Variants in ZBTB38 observed in about 807,000 individuals in gnomAD.
ZBTB38 encodes the protein zinc finger and BTB domain containing 38, also known as zinc finger and BTB domain-containing protein 38.
Under a neutral mutation model 76.8 loss-of-function variants are expected in ZBTB38, and 20 were observed. The observed-to-expected ratio is 0.26, with a 90% CI of 0.18 to 0.38. The LOEUF (loss-of-function observed/expected upper bound fraction) is 0.38. Ranked by LOEUF, ZBTB38 falls within the 10% of genes least tolerant of loss-of-function variation. The pLI is 1.00. For synonymous variants in ZBTB38, 504 were observed against 544.2 expected, an observed-to-expected ratio of 0.93 and a Z score of 1.03; for missense variants, 1,082 against 1,482.3, an observed-to-expected ratio of 0.73 and a Z score of 4.43.
intron 4 of ZBTB38, chr3:141,388,416 T>C (rs879929144): frequency 1.1e-4 from 17 of 152,148 alleles, no homozygotes; most frequent in Non-Finnish European, 2.2e-4. Flanking sequence ...GGAGTTACAA[T>C]TTTTAAAGAG....
At chr3:141,431,341 A>AAAAAAATATATATATATATAT in intron 5 of ZBTB38, among the ~76,000 whole-genome samples, 3 of 103,296 alleles carry the variant, frequency 2.9e-5, no homozygotes, top group African/African-American at 1.8e-4. Context: ...AAAAAAAAAA[A>AAAAAAATATATATATATATAT]ATATATATAT....
intron 5 of ZBTB38, among the ~76,000 whole-genome samples, chr3:141,416,951 T>A (rs939542732): frequency 6.6e-6 from 1 of 152,144 alleles, no homozygotes; most frequent in Non-Finnish European, 1.5e-5. Flanking sequence ...AGATAATGAA[T>A]TTCTGTTGTT....
chr3:141,439,280 G>C (rs564584633), intron 5 of ZBTB38, among the ~76,000 whole-genome samples: 8 of 152,252 alleles, frequency 5.3e-5, no homozygotes, highest in African/African-American at 1.9e-4. Context: ...GGATAAAGTT[G>C]TTAAAAGGTG....
At chr3:141,409,600 G>A (rs867645518) in intron 5 of ZBTB38, among the ~76,000 whole-genome samples, 3 of 152,164 alleles carry the variant, frequency 2.0e-5, no homozygotes, top group Non-Finnish European at 2.9e-5. Flanking sequence ...TATCAACTAC[G>A]TGCCAGGTAG....
chr3:141,354,399 G>T (rs192721318), intron 1 of ZBTB38, among the ~76,000 whole-genome samples: 1 of 152,022 alleles, frequency 6.6e-6, no homozygotes, highest in Non-Finnish European at 1.5e-5. Flanking sequence ...ATGCTGCCTC[G>T]CAATCAGGTG....
chr3:141,374,121 A>G (rs1335750940), intron 2 of ZBTB38, among the ~76,000 whole-genome samples: 1 of 152,162 alleles, frequency 6.6e-6, no homozygotes. Context: ...CAGAGGAAAA[A>G]AAAAAAAAAG....
chr3:141,378,437 T>C (rs1424468354), intron 2 of ZBTB38, among the ~76,000 whole-genome samples: 1 of 152,246 alleles, frequency 6.6e-6, no homozygotes, highest in East Asian at 1.9e-4. Context: ...ATTTGAACTA[T>C]ACCAGCATCT....
At chr3:141,355,444 G>A (rs1183815700) in intron 1 of ZBTB38, among the ~76,000 whole-genome samples, 1 of 152,052 alleles carries the variant, frequency 6.6e-6, no homozygotes. Context: ...CGTGGTAACC[G>A]CTACTCCTGC....
chr3:141,389,498 G>A (rs1948193378), intron 4 of ZBTB38: 1 of 130,678 alleles, frequency 7.7e-6, no homozygotes, highest in African/African-American at 3.0e-5. Context: ...CTTCTTGCCT[G>A]TGACTTTAAA....
chr3:141,329,115 C>A (rs1463904416), intron 1 of ZBTB38, among the ~76,000 whole-genome samples: 1 of 152,210 alleles, frequency 6.6e-6, no homozygotes, highest in Non-Finnish European at 1.5e-5. Flanking sequence ...AACCCCGCCT[C>A]CTTGGAGCTT....
chr3:141,361,157 G>A (rs1356400496), intron 1 of ZBTB38, among the ~76,000 whole-genome samples: 1 of 152,172 alleles, frequency 6.6e-6, no homozygotes, highest in Non-Finnish European at 1.5e-5. Flanking sequence ...TTGATGTTGA[G>A]TGTGATAACC....
At position 141,445,587 on chromosome 3, in the gene ZBTB38, G is replaced by A. The variant is rs202147729; in HGVS notation, c.3199G>A (p.Val1067Ile). The A allele has an allele frequency of 6.9e-5, 111 of 1,614,180 alleles. 1 individual carries two copies. In the African/African-American group the frequency reaches 9.7e-4, roughly 14 times the overall value. The change falls in exon 6 of 6, where the codon GTC (valine) becomes ATC (isoleucine). Residue 1067 changes from valine to isoleucine, a missense_variant. Physicochemically the swap from Val to Ile is conservative, Grantham distance 29. Transcript: ENST00000321464. The surrounding 1 kb of genome is among the most constrained non-coding windows in gnomAD (Gnocchi z 6.5). Reference sequence around the variant, plus strand: ...CATCCACCTGGGCTTGAAGGAGTTCGTCTGTCAGTATTGCAACAAGGCATT... The same window carrying A: ...CATCCACCTGGGCTTGAAGGAGTTCATCTGTCAGTATTGCAACAAGGCATT... Reference protein sequence around the residue: ...ERIHLGLKEFVCQYCNKAFTL... With the variant: ...ERIHLGLKEFICQYCNKAFTL...
Position 141,446,017 on chromosome 3 carries a change from GT to G in ZBTB38, c.*48del, listed in dbSNP as rs202059291. Reference sequence around the variant, plus strand: ...AAAATCTTCAAAAATATAGTTGGTGGTTTTTTTAGTTATGATTTAAGTTTAG... The same window carrying G: ...AAAATCTTCAAAAATATAGTTGGTGGTTTTTTAGTTATGATTTAAGTTTAG... On this transcript the variant is annotated 3_prime_UTR_variant, in exon 6 of 6. Coordinates refer to ENST00000321464, the MANE Select transcript of ZBTB38 (RefSeq NM_001376113.1). 3 of 1,482,092 alleles carry G rather than the reference GT, an allele frequency of 2.0e-6. No homozygotes were observed. Among genetic ancestry groups the G allele is most frequent in the Non-Finnish European group, 1.8e-6 (2 of 1,113,690 alleles). The allele number at this position is 1,482,092 out of a possible 1,614,324, so 91.8% of individuals were successfully genotyped here.
chr3:141,443,049 C>T lies in ZBTB38; in HGVS notation c.661C>T (p.His221Tyr). The T allele has an allele frequency of 6.2e-7, 1 of 1,614,232 alleles. No individual in the cohort carries two copies. Among genetic ancestry groups the T allele is most frequent in the Admixed American group, 1.7e-5 (1 of 60,034 alleles). Residue 221 changes from histidine to tyrosine, a missense_variant, in exon 6 of 6, where the codon CAC (histidine) becomes TAC (tyrosine). Transcript: ENST00000321464. The surrounding 1 kb of genome is among the most constrained non-coding windows in gnomAD (Gnocchi z 5.6). Reference protein sequence around the residue: ...EAEPVRTLAEHSYAVSSVAEA... With the variant: ...EAEPVRTLAEYSYAVSSVAEA... The stretch of plus-strand genomic sequence containing the variant: ...AGAGCCTGTCCGCACACTTGCCGAG[C>T]ACTCATACGCTGTTTCTTCCGTAGC...
intron 1 of ZBTB38, among the ~76,000 whole-genome samples, chr3:141,351,323 T>C (rs1943506656): frequency 6.6e-6 from 1 of 152,218 alleles, no homozygotes; most frequent in Non-Finnish European, 1.5e-5. Context: ...GCATATGACA[T>C]ACATTCATTC....
intron 1 of ZBTB38, among the ~76,000 whole-genome samples, chr3:141,332,657 T>C (rs2148884546): frequency 6.6e-6 from 1 of 152,332 alleles, no homozygotes; most frequent in South Asian, 2.1e-4. Context: ...AGCAATGCCC[T>C]GAATGCTTGT....
At chr3:141,342,170 C>A (rs1425747734) in intron 1 of ZBTB38, among the ~76,000 whole-genome samples, 2 of 151,914 alleles carry the variant, frequency 1.3e-5, no homozygotes, top group South Asian at 2.1e-4. Context: ...ACTAAAAATA[C>A]AAAAATTGGC....
At chr3:141,386,266 G>T (rs1008150108) in intron 3 of ZBTB38, among the ~76,000 whole-genome samples, 2 of 152,158 alleles carry the variant, frequency 1.3e-5, no homozygotes, top group African/African-American at 4.8e-5. Flanking sequence ...TACAGCCAGA[G>T]GAATTCAGCA....
chr3:141,446,612 TG>T lies in ZBTB38; in HGVS notation c.*637del. 6.5e-6 allele frequency: 1 copy of T among 152,722 alleles called. No individual in the cohort carries two copies. The highest frequency in any genetic ancestry group is 1.5e-5 in the Non-Finnish European group (1 of 68,074). The allele number at this position is 152,722 out of a possible 1,614,324, so 9.5% of individuals were successfully genotyped here. ...TATATAAATCACTATAACTTTTAAC[TG>T]TCCATATCCCCTGTAGAGAATTATG... On this transcript the variant is annotated 3_prime_UTR_variant, in exon 6 of 6. Coordinates refer to ENST00000321464, the MANE Select transcript of ZBTB38 (RefSeq NM_001376113.1).
Sources: allele counts gnomAD v4.1 joint callset (sites outside exome capture counted in the v4.1 genomes callset), GRCh38; gene constraint gnomAD v4.1.1; non-coding constraint Gnocchi (gnomAD v3.1); transcripts MANE v1.5; gene names NCBI Gene and HGNC (gene_info 2026-07-23, HGNC 2026-07-21).